EPM2A: variants seen among roughly 807,000 people sequenced by gnomAD.
EPM2A encodes the protein EPM2A glucan phosphatase, laforin, also known as laforin.
Under a neutral mutation model 26.5 loss-of-function variants are expected in EPM2A, and 21 were observed. The observed-to-expected ratio is 0.79, with a 90% confidence interval of 0.56 to 1.14. EPM2A has a LOEUF of 1.14. Ranked by LOEUF, EPM2A falls within the 50% of genes most tolerant of loss-of-function variation. The pLI is 0.00. For missense variants in EPM2A, 458 were observed against 440.8 expected, an observed-to-expected ratio of 1.04 and a Z score of -0.35; for synonymous variants, 217 against 177.6, an observed-to-expected ratio of 1.22 and a Z score of -1.76.
At chr6:145,574,043 G>A (rs866429116) in intron 2 of EPM2A, among the ~76,000 whole-genome samples, 2 of 152,128 alleles carry the variant, frequency 1.3e-5, no homozygotes, top group Admixed American at 6.5e-5. Flanking sequence ...ACGGGAGAAA[G>A]ACTCACTGCA....
chr6:145,579,562 C>T (rs943715926), intron 2 of EPM2A, among the ~76,000 whole-genome samples: 1 of 152,032 alleles, frequency 6.6e-6, no homozygotes, highest in African/African-American at 2.4e-5. Context: ...TAAATTTATC[C>T]GTATTTTAAC....
chr6:145,584,703 A>G (rs1781164550), intron 2 of EPM2A, among the ~76,000 whole-genome samples: 1 of 152,128 alleles, frequency 6.6e-6, no homozygotes, highest in Non-Finnish European at 1.5e-5. Context: ...ACTCTCCCCC[A>G]TGACTCACTG....
At position 145,627,057 on chromosome 6, in the gene EPM2A, C is replaced by T. The variant is rs1775861280; in HGVS notation, c.*359G>A. The T allele has an allele frequency of 8.5e-7, 1 of 1,173,824 alleles. No individual in the cohort carries two copies. The allele number at this position is 1,173,824 out of a possible 1,614,324, so 72.7% of individuals were successfully genotyped here. On this transcript the variant is annotated 3_prime_UTR_variant, in exon 4 of 4. Coordinates refer to ENST00000367519, the MANE Select transcript of EPM2A (RefSeq NM_005670.4). ...TTTTCCTCTACATGGCCAAGAGTTT[C>T]AGTGCAACAGGAAAGTGCTGTCACG...
intron 2 of EPM2A, among the ~76,000 whole-genome samples, chr6:145,599,753 G>T (rs1781392578): frequency 6.6e-6 from 1 of 151,910 alleles, no homozygotes; most frequent in Admixed American, 6.6e-5. Context: ...TTTGAGCATG[G>T]ATTTTATCTA....
At chr6:145,720,884 G>A (rs1350918530) in intron 1 of EPM2A, 1 of 152,134 alleles carries the variant, frequency 6.6e-6, no homozygotes, top group African/African-American at 2.4e-5. Context: ...AACCTGACCG[G>A]GTGCAGTGGC....
intron 2 of EPM2A, among the ~76,000 whole-genome samples, chr6:145,644,618 T>C (rs1216929228): frequency 3.9e-5 from 6 of 152,104 alleles, no homozygotes; most frequent in African/African-American, 1.4e-4. Flanking sequence ...AAACACTTCC[T>C]CTTCCCTATG....
intron 2 of EPM2A, among the ~76,000 whole-genome samples, chr6:145,582,613 A>T (rs1163593974): frequency 6.6e-6 from 1 of 152,146 alleles, no homozygotes; most frequent in Non-Finnish European, 1.5e-5. Context: ...ACCTTAGATA[A>T]TCTGAAGACT....
chr6:145,668,755 T>A (rs1275864769), intron 2 of EPM2A, among the ~76,000 whole-genome samples: 1 of 152,160 alleles, frequency 6.6e-6, no homozygotes, highest in African/African-American at 2.4e-5. Context: ...TTTTCCCTCA[T>A]AGTCAGAAGT....
chr6:145,391,438 A>C (rs1199941548), intron 4 of EPM2A, among the ~76,000 whole-genome samples: 1 of 152,136 alleles, frequency 6.6e-6, no homozygotes, highest in Admixed American at 6.5e-5. Context: ...GCCTAATTGC[A>C]ATACACTTCA....
intron 2 of EPM2A, among the ~76,000 whole-genome samples, chr6:145,580,376 A>T (rs536459418): frequency 6.6e-6 from 1 of 152,292 alleles, no homozygotes; most frequent in East Asian, 1.9e-4. Flanking sequence ...CTTGAATAAC[A>T]CTATTATTGG....
intron 2 of EPM2A, among the ~76,000 whole-genome samples, chr6:145,676,966 GAC>G (rs951640912): frequency 6.6e-6 from 1 of 152,068 alleles, no homozygotes; most frequent in Non-Finnish European, 1.5e-5. Flanking sequence ...GCCTGGCAGA[GAC>G]ACACACACAA....
At chr6:145,646,779 T>A (rs1305883285) in intron 2 of EPM2A, among the ~76,000 whole-genome samples, 5 of 152,116 alleles carry the variant, frequency 3.3e-5, no homozygotes, top group African/African-American at 4.8e-5. Context: ...TGGAATTCTC[T>A]CCTGCCTATC....
intron 4 of EPM2A, among the ~76,000 whole-genome samples, chr6:145,456,419 T>C (rs1279790133): frequency 1.3e-5 from 2 of 152,064 alleles, no homozygotes; most frequent in African/African-American, 2.4e-5. Context: ...CTTAGAATCT[T>C]TAAGAAGGAA....
intron 4 of EPM2A, among the ~76,000 whole-genome samples, chr6:145,484,421 G>T (rs1487633566): frequency 1.3e-5 from 2 of 151,998 alleles, no homozygotes; most frequent in Non-Finnish European, 2.9e-5. Flanking sequence ...GTATTCTGGA[G>T]AATTTTTTGA....
intron 2 of EPM2A, among the ~76,000 whole-genome samples, chr6:145,544,452 C>A (rs933442895): frequency 3.3e-5 from 5 of 152,170 alleles, no homozygotes; most frequent in Non-Finnish European, 7.3e-5. Flanking sequence ...TTGGAAAAAG[C>A]AAAATAGCCA....
chr6:145,442,029 C>T (rs1413272112), intron 4 of EPM2A, among the ~76,000 whole-genome samples: 3 of 152,220 alleles, frequency 2.0e-5, no homozygotes, highest in East Asian at 3.8e-4. Context: ...CAAAATGCCA[C>T]CAGTCTCTGC....
At chr6:145,576,605 T>C (rs1013707854) in intron 2 of EPM2A, among the ~76,000 whole-genome samples, 2 of 152,040 alleles carry the variant, frequency 1.3e-5, no homozygotes, top group Non-Finnish European at 2.9e-5. Flanking sequence ...AAACAAAACC[T>C]GAGAGAATTT....
Position 145,735,475 on chromosome 6 carries a change from C to T in EPM2A, c.24G>A (p.Val8=), listed in dbSNP as rs587780938. ...GGGCGCCGGCCACGGCGGGTGGCAC[C>T]ACCACCCCAAAGCGGAAGCGCATGG... is the stretch of plus-strand genomic sequence containing the variant. MRFRFGV[V]VPPAVAGARP... is the part of the protein sequence containing the mutation. The change falls in exon 1 of 4, where the codon GTG becomes GTA. Residue 8 remains valine (V), a synonymous_variant. Coordinates refer to ENST00000367519, the MANE Select transcript of EPM2A (RefSeq NM_005670.4). 1.5e-3 allele frequency: 1,808 copies of T among 1,212,804 alleles called. 4 individuals carry two copies. The highest frequency in any genetic ancestry group is 1.7e-3 in the Non-Finnish European group (1,677 of 976,046). 75.1% of individuals were successfully genotyped at this position (1,212,804 alleles called of 1,614,324 possible). A position where few individuals can be genotyped will look rare whatever the true frequency, so the allele number is the denominator to read the frequency against.
At chr6:145,528,206 A>C (rs1054354752) in intron 2 of EPM2A, among the ~76,000 whole-genome samples, 1 of 152,162 alleles carries the variant, frequency 6.6e-6, no homozygotes, top group African/African-American at 2.4e-5. Flanking sequence ...AGCAACTGCT[A>C]ATGAAGAAGC....
Sources: allele counts gnomAD v4.1 joint callset (sites outside exome capture counted in the v4.1 genomes callset), GRCh38; gene constraint gnomAD v4.1.1; transcripts MANE v1.5; gene names NCBI Gene and HGNC (gene_info 2026-07-23, HGNC 2026-07-21).